PDE1C: variants seen among roughly 807,000 people sequenced by gnomAD.
PDE1C encodes phosphodiesterase 1C, also known as dual specificity calcium/calmodulin-dependent 3',5'-cyclic nucleotide phosphodiesterase 1C.
Under a neutral mutation model 93.1 loss-of-function variants are expected in PDE1C, and 62 were observed. The observed-to-expected ratio is 0.67, with a 90% CI of 0.54 to 0.82. The LOEUF (loss-of-function observed/expected upper bound fraction) is 0.82, where lower values mean the gene tolerates loss of function less well. Ranked by LOEUF, PDE1C falls within the 40% of genes least tolerant of loss-of-function variation. The pLI is 0.00. For missense variants in PDE1C, 742 were observed against 884.6 expected, an observed-to-expected ratio of 0.84 and a Z score of 2.04; for synonymous variants, 325 against 310.1, an observed-to-expected ratio of 1.05 and a Z score of -0.50.
chr7:32,295,518 T>C (rs755641373), intron 1 of PDE1C, among the ~76,000 whole-genome samples: 4 of 152,220 alleles, frequency 2.6e-5, no homozygotes, highest in Non-Finnish European at 1.5e-5. Context: ...CAGAAGGCAG[T>C]TGAGCAATAC....
chr7:32,072,776 A>G (rs1796137475), upstream of PDE1C, among the ~76,000 whole-genome samples: 2 of 152,236 alleles, frequency 1.3e-5, no homozygotes, highest in Non-Finnish European at 2.9e-5. Flanking sequence ...GGCTTCCTAG[A>G]CCAACTAGAG....
chr7:31,914,982 C>G (rs938015355), intron 2 of PDE1C, among the ~76,000 whole-genome samples: 2 of 152,224 alleles, frequency 1.3e-5, no homozygotes, highest in African/African-American at 4.8e-5. Context: ...TACTTATCCT[C>G]ACCACAAGGT....
In PDE1C at chr7:32,148,368, T is replaced by C. The variant is rs1050452861; in HGVS notation, c.308+21417A>G. ...TATTAAAATTATTGAGATATTTTAT[T>C]TGTATATATTAAGCCTTAGAAATCA... is the stretch of plus-strand genomic sequence containing the variant. On this transcript the variant is annotated intron_variant, in intron 3 of 18. Transcript: ENST00000396193. Among the ~76,000 whole-genome samples, 13 of 152,278 alleles carry C rather than the reference T, an allele frequency of 8.5e-5. No homozygotes were observed. In the East Asian group the frequency reaches 2.1e-3, roughly 25 times the overall value.
intron 1 of PDE1C, among the ~76,000 whole-genome samples, chr7:32,381,162 C>T (rs1484562572): frequency 6.6e-6 from 1 of 151,648 alleles, no homozygotes; most frequent in Non-Finnish European, 1.5e-5. Context: ...CATCCCTCTA[C>T]CTTCAAAATA....
At chr7:32,403,129 G>A (rs1346000168) in intron 1 of PDE1C, among the ~76,000 whole-genome samples, 5 of 152,254 alleles carry the variant, frequency 3.3e-5, no homozygotes, top group South Asian at 4.1e-4. Flanking sequence ...ATCATCCCAC[G>A]AATTTCTAAA....
intron 16 of PDE1C, among the ~76,000 whole-genome samples, chr7:31,778,397 G>C (rs1373795563): frequency 1.3e-5 from 2 of 152,106 alleles, no homozygotes; most frequent in Non-Finnish European, 2.9e-5. Flanking sequence ...TTGACCTTTG[G>C]GATAGGGTTT....
intron 2 of PDE1C, among the ~76,000 whole-genome samples, chr7:32,039,971 T>C (rs1164523142): frequency 6.6e-6 from 1 of 152,236 alleles, no homozygotes; most frequent in African/African-American, 2.4e-5. Context: ...TGTGTTTATA[T>C]AAGCCACACA....
At chr7:31,941,377 C>T (rs960624407) in intron 2 of PDE1C, 1 of 163,816 alleles carries the variant, frequency 6.1e-6, no homozygotes, top group African/African-American at 2.4e-5. Flanking sequence ...GTGCGAGACC[C>T]TCAGAAGTTG....
chr7:31,730,507 C>A, the PDE1C span, among the ~76,000 whole-genome samples: 1 of 152,188 alleles, frequency 6.6e-6, no homozygotes, highest in African/African-American at 2.4e-5. Flanking sequence ...TGATCTGATT[C>A]CATCCATCTG....
chr7:31,691,399 T>C, the PDE1C span, among the ~76,000 whole-genome samples: 1 of 152,252 alleles, frequency 6.6e-6, no homozygotes, highest in Non-Finnish European at 1.5e-5. Context: ...GATTTTAATC[T>C]TATTTATTCC....
At chr7:32,356,603 A>T (rs1784033459) in intron 1 of PDE1C, among the ~76,000 whole-genome samples, 1 of 152,242 alleles carries the variant, frequency 6.6e-6, no homozygotes, top group South Asian at 2.1e-4. Context: ...TCTGGCCACA[A>T]AAGAAGTACC....
At chr7:32,215,505 A>G (rs922954099) in intron 1 of PDE1C, among the ~76,000 whole-genome samples, 10 of 152,154 alleles carry the variant, frequency 6.6e-5, no homozygotes, top group African/African-American at 2.2e-4. Flanking sequence ...TTCCCTCCCA[A>G]AAATTGGCCA....
chr7:32,383,461 C>A (rs1016619677), intron 1 of PDE1C, among the ~76,000 whole-genome samples: 2 of 152,204 alleles, frequency 1.3e-5, no homozygotes, highest in African/African-American at 4.8e-5. Context: ...CTAATGAGGT[C>A]TCTTCTAGAT....
At chr7:32,400,634 T>C (rs148305692) in intron 1 of PDE1C, among the ~76,000 whole-genome samples, 93 of 152,346 alleles carry the variant, frequency 6.1e-4, no homozygotes, top group Non-Finnish European at 9.4e-4. Context: ...AGAGTTCACA[T>C]TGGAAAACAC....
intron 1 of PDE1C, among the ~76,000 whole-genome samples, chr7:32,226,012 C>T (rs1432750098): frequency 1.3e-5 from 2 of 152,100 alleles, no homozygotes; most frequent in Non-Finnish European, 2.9e-5. Context: ...GAGCCAAGTT[C>T]ATGCCACTGC....
the PDE1C span, among the ~76,000 whole-genome samples, chr7:31,719,642 T>TCCCCTC: frequency 6.6e-6 from 1 of 152,178 alleles, no homozygotes; most frequent in Non-Finnish European, 1.5e-5. Flanking sequence ...CCCCTCACAA[T>TCCCCTC]GCATGGCCGT....
chr7:31,736,900 A>G, the PDE1C span, among the ~76,000 whole-genome samples: 2 of 152,068 alleles, frequency 1.3e-5, no homozygotes, highest in African/African-American at 2.4e-5. Context: ...TTGATGTTCT[A>G]ATTACAAACT....
the PDE1C span, among the ~76,000 whole-genome samples, chr7:31,619,183 G>C: frequency 6.6e-6 from 1 of 152,128 alleles, no homozygotes; most frequent in African/African-American, 2.4e-5. Flanking sequence ...GTAAGTACAG[G>C]CAAGGTGTCC....
intron 3 of PDE1C, among the ~76,000 whole-genome samples, chr7:32,084,008 C>A (rs1796886835): frequency 6.6e-6 from 1 of 150,878 alleles, no homozygotes; most frequent in Non-Finnish European, 1.5e-5. Flanking sequence ...ACAATATTAA[C>A]TTTAAATGTA....
Sources: gnomAD v4.1 joint callset for allele counts (sites outside exome capture counted in the v4.1 genomes callset) on GRCh38, gnomAD v4.1.1 for gene constraint, MANE v1.5 for transcripts, NCBI Gene and HGNC (gene_info 2026-07-23, HGNC 2026-07-21) for gene names.